KCNH7: variants seen among roughly 807,000 people sequenced by gnomAD.
KCNH7 encodes potassium voltage-gated channel subfamily H member 7.
Under a neutral mutation model 120.8 loss-of-function variants are expected in KCNH7, and 49 were observed. That is an observed-to-expected ratio of 0.41 (90% CI 0.32 to 0.51). KCNH7 has a LOEUF of 0.51. Among genes scored for constraint, KCNH7 ranks in the 20% least tolerant of loss-of-function variants. The pLI is 0.38. For synonymous variants in KCNH7, 547 were observed against 516.1 expected, an observed-to-expected ratio of 1.06 and a Z score of -0.81; for missense variants, 1,097 against 1,446.6, an observed-to-expected ratio of 0.76 and a Z score of 3.92.
intron 2 of KCNH7, chr2:162,796,029 A>G (rs1337454142): frequency 6.6e-6 from 1 of 152,126 alleles, no homozygotes; most frequent in Non-Finnish European, 1.5e-5. Flanking sequence ...ACAAATGAGC[A>G]GGAAAGTTGA....
At chr2:162,768,181 A>G (rs1055788158) in intron 2 of KCNH7, among the ~76,000 whole-genome samples, 1 of 152,232 alleles carries the variant, frequency 6.6e-6, no homozygotes, top group Non-Finnish European at 1.5e-5. Context: ...TGATTGACTT[A>G]AAGACTAATT....
At chr2:162,717,172 T>A (rs1687151674) in intron 2 of KCNH7, among the ~76,000 whole-genome samples, 1 of 152,116 alleles carries the variant, frequency 6.6e-6, no homozygotes, top group Non-Finnish European at 1.5e-5. Context: ...TGTTCTTTTT[T>A]AAAAAAGATA....
chr2:162,649,613 C>A (rs1350282815), intron 2 of KCNH7, among the ~76,000 whole-genome samples: 2 of 150,394 alleles, frequency 1.3e-5, no homozygotes, highest in Non-Finnish European at 1.5e-5. Flanking sequence ...GAGAACAAAT[C>A]CTATAGAAAT....
At chr2:162,673,751 G>C (rs908529660) in intron 2 of KCNH7, among the ~76,000 whole-genome samples, 1 of 151,908 alleles carries the variant, frequency 6.6e-6, no homozygotes, top group Admixed American at 6.6e-5. Context: ...CCAAGACATT[G>C]GATTTTTGGT....
intron 2 of KCNH7, among the ~76,000 whole-genome samples, chr2:162,621,647 A>T (rs1305891740): frequency 6.6e-6 from 1 of 152,188 alleles, no homozygotes. Context: ...GTATATATTC[A>T]GTACTTACTC....
At chr2:162,762,619 G>T (rs1476880676) in intron 2 of KCNH7, among the ~76,000 whole-genome samples, 1 of 151,942 alleles carries the variant, frequency 6.6e-6, no homozygotes, top group Admixed American at 6.6e-5. Context: ...TATGTCTCAG[G>T]TGTTTGTGTT....
intron 6 of KCNH7, among the ~76,000 whole-genome samples, chr2:162,474,359 A>T (rs1281248552): frequency 1.3e-5 from 2 of 152,248 alleles, no homozygotes; most frequent in Non-Finnish European, 2.9e-5. Context: ...AAATGACATG[A>T]TCAGATTAGC....
chr2:162,384,829 T>C lies in KCNH7; in HGVS notation c.2821A>G (p.Ile941Val). The C allele has an allele frequency of 3.1e-6, 5 of 1,612,804 alleles. No homozygotes were observed. The South Asian group carries it at 4.4e-5, about 14-fold the overall frequency. The change falls in exon 13 of 16, where the codon ATT (isoleucine) becomes GTT (valine). Residue 941 changes from isoleucine to valine, a missense_variant. By Grantham distance (29) the Ile-to-Val change is conservative (BLOSUM62 3). Around this residue, in one of 8 missense-constraint regions of KCNH7, gnomAD observed 406 missense variants for 410.5 expected, o/e 0.99. Transcript: ENST00000332142. Reference sequence around the variant, plus strand: ...AAGAGCGGCTTTTGTTCATCATCAATGGAGGAGATGAAAGATGAGGATCTG... The same window carrying C: ...AAGAGCGGCTTTTGTTCATCATCAACGGAGGAGATGAAAGATGAGGATCTG... ...KSRSSSFISS[I>V]DDEQKPLFSG... is the part of the protein sequence containing the mutation.
chr2:162,558,962 G>A (rs1692958044), intron 2 of KCNH7, among the ~76,000 whole-genome samples: 1 of 150,130 alleles, frequency 6.7e-6, no homozygotes, highest in Non-Finnish European at 1.5e-5. Flanking sequence ...GGCTGAGGCA[G>A]GAGAATGGCG....
chr2:162,672,202 T>TA (rs1318393158), intron 2 of KCNH7, among the ~76,000 whole-genome samples: 1 of 152,042 alleles, frequency 6.6e-6, no homozygotes, highest in African/African-American at 2.4e-5. Context: ...TAATGAAACA[T>TA]ACAAAACATT....
At chr2:162,604,384 G>A (rs1574158318) in intron 2 of KCNH7, among the ~76,000 whole-genome samples, 1 of 152,072 alleles carries the variant, frequency 6.6e-6, no homozygotes, top group East Asian at 1.9e-4. Flanking sequence ...TTTTCCATTT[G>A]GAAAACTGGC....
At chr2:162,586,126 T>C (rs1694012583) in intron 2 of KCNH7, among the ~76,000 whole-genome samples, 1 of 152,088 alleles carries the variant, frequency 6.6e-6, no homozygotes, top group South Asian at 2.1e-4. Flanking sequence ...CTTCCATCTT[T>C]ATATGCACAT....
intron 5 of KCNH7, 27 bp downstream of exon 5, chr2:162,512,627 A>G: frequency 6.2e-7 from 1 of 1,605,378 alleles, no homozygotes; most frequent in Non-Finnish European, 8.5e-7. Context: ...TGAACATCAG[A>G]TGGTGAAATT....
Position 162,371,967 on chromosome 2 carries a change from A to T in KCNH7, c.3453T>A (p.Ser1151=). ...TTCTTTGCCGCAGGTGAAGCTCTAAAGAGAGATCACTGTCTTGTTTTAAAA... is the reference window on the plus strand; with the variant it reads ...TTCTTTGCCGCAGGTGAAGCTCTAATGAGAGATCACTGTCTTGTTTTAAAA... The part of the protein sequence containing the change: ...TSLLKQDSDL[S]LELHLRQRKT... Residue 1151 remains serine, a synonymous_variant, in exon 16 of 16, where the codon TCT becomes TCA. Coordinates refer to ENST00000332142, the MANE Select transcript of KCNH7 (RefSeq NM_033272.4). 1 of 1,613,910 alleles carries T rather than the reference A, an allele frequency of 6.2e-7. No individual in the cohort carries two copies. Among genetic ancestry groups the T allele is most frequent in the African/African-American group, 1.3e-5 (1 of 75,040 alleles).
intron 6 of KCNH7, among the ~76,000 whole-genome samples, chr2:162,478,365 T>A (rs74547345): frequency 1.1e-3 from 172 of 152,290 alleles, no homozygotes; most frequent in Non-Finnish European, 2.0e-3. Flanking sequence ...GTATTTGTGA[T>A]CTGCTTGAGG....
intron 2 of KCNH7, chr2:162,785,204 G>T (rs1683652731): frequency 6.6e-6 from 1 of 152,190 alleles, no homozygotes; most frequent in South Asian, 2.1e-4. Context: ...AACTTAAAAT[G>T]TTGTTAACTA....
chr2:162,472,490 G>T (rs1207552419), intron 6 of KCNH7, among the ~76,000 whole-genome samples: 2 of 152,186 alleles, frequency 1.3e-5, no homozygotes, highest in African/African-American at 2.4e-5. Context: ...ATGAAAAAAT[G>T]CTCATCATCA....
intron 2 of KCNH7, among the ~76,000 whole-genome samples, chr2:162,768,597 A>G (rs13018506): frequency 0.28 from 42,545 of 152,078 alleles, 6,896 homozygotes; most frequent in African/African-American, 0.45. Context: ...CAAGTCATGA[A>G]TGAGAGAGGC....
intron 2 of KCNH7, among the ~76,000 whole-genome samples, chr2:162,765,848 C>T (rs1227143762): frequency 3.3e-5 from 5 of 152,134 alleles, no homozygotes; most frequent in Non-Finnish European, 7.4e-5. Context: ...CAGCCTTGTG[C>T]TCTTGGGCTC....
Sources: allele counts gnomAD v4.1 joint callset (sites outside exome capture counted in the v4.1 genomes callset), GRCh38; gene constraint gnomAD v4.1.1; regional missense constraint gnomAD v4.1.1; transcripts MANE v1.5; gene names NCBI Gene and HGNC (gene_info 2026-07-23, HGNC 2026-07-21).